Variants in MPP7 observed in about 807,000 individuals in gnomAD.
MPP7 encodes MAGUK p55 scaffold protein 7, also known as MAGUK p55 subfamily member 7.
MPP7 carries 60 observed loss-of-function variants against 76.5 expected under a neutral mutation model. The ratio of observed to expected loss-of-function variants is 0.78; its 90% CI spans 0.64 to 0.97. The LOEUF is 0.97. Ranked by LOEUF, MPP7 falls within the 50% of genes least tolerant of loss-of-function variation. The pLI is 0.00. For missense variants in MPP7, 641 were observed against 694.0 expected (o/e 0.92, Z 0.86); for synonymous variants, 237 against 244.5 (o/e 0.97, Z 0.29).
At chr10:28,322,302 G>A (rs1834375595) in intron 2 of MPP7, among the ~76,000 whole-genome samples, 1 of 152,046 alleles carries the variant, frequency 6.6e-6, no homozygotes, top group Non-Finnish European at 1.5e-5. Context: ...CTGCTCTGAA[G>A]AAGTAGTATT....
chr10:28,116,425 C>A (rs750224157), intron 11 of MPP7, among the ~76,000 whole-genome samples: 1 of 152,178 alleles, frequency 6.6e-6, no homozygotes, highest in Non-Finnish European at 1.5e-5. Context: ...CTCCTACATT[C>A]TATCTGAGAC....
At chr10:28,069,899 T>C (rs759113123) in intron 12 of MPP7, 47 bp from the exon 13 acceptor site, 3 of 1,408,144 alleles carry the variant, frequency 2.1e-6, no homozygotes, top group Admixed American at 3.4e-5. Flanking sequence ...AAACACCACA[T>C]AAACATTTCT....
At chr10:28,321,745 C>T (rs1227190177) in intron 2 of MPP7, among the ~76,000 whole-genome samples, 7 of 151,978 alleles carry the variant, frequency 4.6e-5, no homozygotes, top group Admixed American at 6.6e-5. Context: ...CCACCACACC[C>T]GGCTAATTTT....
At chr10:28,119,263 C>T (rs1834753236) in intron 11 of MPP7, among the ~76,000 whole-genome samples, 1 of 151,942 alleles carries the variant, frequency 6.6e-6, no homozygotes, top group Non-Finnish European at 1.5e-5. Context: ...GCTTTTGTAC[C>T]CAAGAAAATG....
intron 5 of MPP7, among the ~76,000 whole-genome samples, chr10:28,144,524 C>T (rs1436544908): frequency 1.3e-5 from 2 of 152,268 alleles, no homozygotes; most frequent in South Asian, 2.1e-4. Context: ...ACTGTTCGCC[C>T]GTTCTGAGGC....
At chr10:28,154,745 T>TGGGGGGG (rs747299776) in intron 3 of MPP7, among the ~76,000 whole-genome samples, 1 of 135,396 alleles carries the variant, frequency 7.4e-6, no homozygotes, top group African/African-American at 3.1e-5. Flanking sequence ...TTAGTTGGGG[T>TGGGGGGG]GGGGGGTGGT....
intron 1 of MPP7, among the ~76,000 whole-genome samples, chr10:28,241,057 C>G (rs952935665): frequency 6.6e-6 from 1 of 152,062 alleles, no homozygotes; most frequent in African/African-American, 2.4e-5. Flanking sequence ...CACCATGCAA[C>G]CTATCACTTT....
chr10:28,131,474 G>A, intron 6 of MPP7, 86 bp downstream of exon 6: 1 of 1,128,028 alleles, frequency 8.9e-7, no homozygotes, highest in South Asian at 2.4e-5. Context: ...CATAGAGGAA[G>A]TATATTTTAA....
intron 2 of MPP7, among the ~76,000 whole-genome samples, chr10:28,226,387 G>A (rs1838692369): frequency 6.6e-6 from 1 of 151,956 alleles, no homozygotes; most frequent in Non-Finnish European, 1.5e-5. Flanking sequence ...GCTGGAATTA[G>A]AGGGGCACAC....
intron 3 of MPP7, among the ~76,000 whole-genome samples, chr10:28,168,516 C>T (rs1194987995): frequency 1.3e-5 from 2 of 151,790 alleles, no homozygotes; most frequent in Non-Finnish European, 2.9e-5. Flanking sequence ...TCTTTTACCT[C>T]ACCTTCTTTT....
At chr10:28,108,166 T>G (rs1834381700) in intron 11 of MPP7, among the ~76,000 whole-genome samples, 1 of 152,212 alleles carries the variant, frequency 6.6e-6, no homozygotes. Context: ...AGTCCTCGGG[T>G]AAATACTGTA....
At chr10:28,331,607 C>T (rs940892285) in intron 1 of MPP7, among the ~76,000 whole-genome samples, 1 of 152,052 alleles carries the variant, frequency 6.6e-6, no homozygotes, top group African/African-American at 2.4e-5. Context: ...GACAGAGTCT[C>T]GCTGTCACCC....
At chr10:28,316,425 ACTCTGT>A (rs1834320868) in intron 2 of MPP7, among the ~76,000 whole-genome samples, 1 of 130,684 alleles carries the variant, frequency 7.7e-6, no homozygotes, top group South Asian at 2.9e-4. Context: ...ACAGAGTAAG[ACTCTGT>A]CTTTAAAAAA....
At chr10:28,331,311 G>T (rs1454331373) in intron 1 of MPP7, among the ~76,000 whole-genome samples, 3 of 152,082 alleles carry the variant, frequency 2.0e-5, no homozygotes, top group Admixed American at 6.6e-5. Flanking sequence ...GAGGGGAGGA[G>T]CCTCAGGGAA....
At position 28,134,429 on chromosome 10, in the gene MPP7, T is replaced by A. The variant is rs373291784; in HGVS notation, c.316-2738A>T. 7.9e-5 allele frequency among the ~76,000 whole-genome samples: 12 copies of A among 152,342 alleles called. 1 individual carries two copies. Among genetic ancestry groups the A allele is most frequent in the African/African-American group, 2.9e-4 (12 of 41,584 alleles). ...CCCAGTCTTTATCAGTTACATGTGC[T>A]AGAAATACATTCTCCCTTTTGGTAA... On this transcript the variant is annotated intron_variant, in intron 5 of 16. Transcript: ENST00000683449.
intron 11 of MPP7, among the ~76,000 whole-genome samples, chr10:28,099,758 G>A (rs1263268795): frequency 6.6e-6 from 1 of 151,954 alleles, no homozygotes; most frequent in Non-Finnish European, 1.5e-5. Context: ...GGTGAGCCAA[G>A]ATCGTGCCAT....
intron 1 of MPP7, among the ~76,000 whole-genome samples, chr10:28,286,107 G>T (rs1050538231): frequency 6.6e-6 from 1 of 152,088 alleles, no homozygotes; most frequent in African/African-American, 2.4e-5. Context: ...TACTTTGGGA[G>T]GCCGAGGTGG....
Position 28,144,276 on chromosome 10 carries a change from G to GTGACATGTCACTTCC in MPP7, c.315+3192_315+3206dup, listed in dbSNP as rs145441774. ...GCTTGGTCTGTAGACTACATAGGGA[G>GTGACATGTCACTTCC]TGACATGTCACTTCCTGCTTCAGAT... On this transcript the variant is annotated intron_variant, in intron 5 of 16. Coordinates refer to ENST00000683449, the MANE Select transcript of MPP7 (RefSeq NM_001318170.2). Among the ~76,000 whole-genome samples the GTGACATGTCACTTCC allele has an allele frequency of 5.8e-3, 889 of 152,206 alleles. 8 individuals are homozygous for GTGACATGTCACTTCC. Among genetic ancestry groups the GTGACATGTCACTTCC allele is most frequent in the African/African-American group, 0.02 (816 of 41,518 alleles).
chr10:28,077,227 A>G (rs1282235142), intron 12 of MPP7, among the ~76,000 whole-genome samples: 2 of 152,122 alleles, frequency 1.3e-5, no homozygotes, highest in African/African-American at 4.8e-5. Context: ...TAACTTTATA[A>G]TCTAACCCTT....
Sources: allele counts gnomAD v4.1 joint callset (sites outside exome capture counted in the v4.1 genomes callset), GRCh38; gene constraint gnomAD v4.1.1; transcripts MANE v1.5; gene names NCBI Gene and HGNC (gene_info 2026-07-23, HGNC 2026-07-21).